The following ELOVL7 variants were observed in gnomAD, a reference collection of about 807,000 sequenced individuals.
The protein encoded by ELOVL7 is ELOVL fatty acid elongase 7.
A neutral mutation model predicts 35.7 loss-of-function variants in ELOVL7; 27 were observed. The ratio of observed to expected loss-of-function variants is 0.76; its 90% confidence interval spans 0.56 to 1.04. ELOVL7 has a LOEUF of 1.04. Among genes scored for constraint, ELOVL7 ranks in the 50% least tolerant of loss-of-function variants. The pLI, the probability that ELOVL7 is intolerant of heterozygous loss-of-function variation, is 0.00. For missense variants in ELOVL7, 327 were observed against 340.8 expected, an observed-to-expected ratio of 0.96 and a Z score of 0.32; for synonymous variants, 113 against 114.6, an observed-to-expected ratio of 0.99 and a Z score of 0.09.
chr5:60,785,555 C>G (rs1032274848), intron 3 of ELOVL7, among the ~76,000 whole-genome samples: 1 of 152,072 alleles, frequency 6.6e-6, no homozygotes, highest in East Asian at 1.9e-4. Context: ...TTCAAAAACC[C>G]AATCTACTTG....
intron 3 of ELOVL7, among the ~76,000 whole-genome samples, chr5:60,787,095 G>C (rs1216145069): frequency 6.6e-6 from 1 of 152,108 alleles, no homozygotes; most frequent in South Asian, 2.1e-4. Context: ...TTATTGATCA[G>C]TTCCCTTCAC....
chr5:60,754,868 A>C (rs372205505), intron 8 of ELOVL7, 35 bp from the exon 9 acceptor site: 2 of 1,578,838 alleles, frequency 1.3e-6, no homozygotes, highest in African/African-American at 1.4e-5. Flanking sequence ...AATTATTCAG[A>C]TATGAAGAGT....
At chr5:60,798,095 T>A (rs1009242770) in intron 2 of ELOVL7, among the ~76,000 whole-genome samples, 1 of 152,202 alleles carries the variant, frequency 6.6e-6, no homozygotes, top group African/African-American at 2.4e-5. Context: ...TGATGTCTCA[T>A]GTCTCCCTAA....
chr5:60,811,812 A>AT (rs1745251549), intron 1 of ELOVL7, among the ~76,000 whole-genome samples: 1 of 152,062 alleles, frequency 6.6e-6, no homozygotes, highest in Non-Finnish European at 1.5e-5. Context: ...GTAAGAAATA[A>AT]TTTTTTTCTT....
rs80146958 is a variant in ELOVL7, at chr5:60,778,068, C to T, written c.65-5975G>A. 2.9e-3 allele frequency among the ~76,000 whole-genome samples: 435 copies of T among 152,282 alleles called. 2 individuals are homozygous for T. The highest frequency in any genetic ancestry group is 3.4e-3 in the Non-Finnish European group (230 of 68,014). On this transcript the variant is annotated intron_variant, in intron 3 of 8. Transcript: ENST00000508821. ...TGTCACAGTTCTAAATCAGGAAAAACTTTGAAATCAGCTACCCAGGTACAC... is the reference window on the plus strand; with the variant it reads ...TGTCACAGTTCTAAATCAGGAAAAATTTTGAAATCAGCTACCCAGGTACAC...
chr5:60,840,489 C>T (rs540584288), intron 1 of ELOVL7, among the ~76,000 whole-genome samples: 6 of 152,324 alleles, frequency 3.9e-5, no homozygotes, highest in East Asian at 1.9e-4. Context: ...AAGGGTTCAA[C>T]ACTGCTGACA....
intron 2 of ELOVL7, among the ~76,000 whole-genome samples, chr5:60,788,688 T>C (rs1743744762): frequency 6.6e-6 from 1 of 151,608 alleles, no homozygotes; most frequent in Non-Finnish European, 1.5e-5. Flanking sequence ...GGCAGGAAAA[T>C]TGCTCGAACC....
chr5:60,761,604 G>A (rs1427063563), intron 7 of ELOVL7, among the ~76,000 whole-genome samples: 3 of 152,094 alleles, frequency 2.0e-5, no homozygotes, highest in Non-Finnish European at 2.9e-5. Flanking sequence ...GGGGAATATT[G>A]GAGATTGTGA....
At chr5:60,817,850 A>G (rs10939870) in intron 1 of ELOVL7, among the ~76,000 whole-genome samples, 102,040 of 132,092 alleles carry the variant, frequency 0.77, 38,673 homozygotes, top group East Asian at 0.88. Context: ...GTGTGTGTGT[A>G]TATATATATA....
intron 5 of ELOVL7, 75 bp downstream of exon 5, chr5:60,767,748 C>T (rs1201704316): frequency 9.7e-7 from 1 of 1,030,652 alleles, no homozygotes; most frequent in Non-Finnish European, 1.5e-6. Flanking sequence ...TCTAAGTTTA[C>T]GTTCAGTGTT....
intron 1 of ELOVL7, among the ~76,000 whole-genome samples, chr5:60,827,725 T>A (rs1746251428): frequency 6.6e-6 from 1 of 152,208 alleles, no homozygotes; most frequent in South Asian, 2.1e-4. Flanking sequence ...GCATGTAATT[T>A]ATTAACTTAA....
chr5:60,758,609 C>G (rs541220325), intron 7 of ELOVL7, among the ~76,000 whole-genome samples: 75 of 152,274 alleles, frequency 4.9e-4, no homozygotes, highest in African/African-American at 1.8e-3. Context: ...ATTTCCTACC[C>G]ATCACCTTCA....
intron 7 of ELOVL7, among the ~76,000 whole-genome samples, chr5:60,761,516 T>C (rs1055225081): frequency 2.4e-4 from 37 of 152,148 alleles, no homozygotes; most frequent in African/African-American, 6.8e-4. Context: ...CTGAAATAGG[T>C]ATCAGGTCTG....
intron 3 of ELOVL7, among the ~76,000 whole-genome samples, chr5:60,777,825 C>T (rs1467106510): frequency 1.3e-5 from 2 of 152,000 alleles, no homozygotes; most frequent in African/African-American, 4.8e-5. Context: ...AGTGGATTTT[C>T]GGAAGGAGTC....
intron 1 of ELOVL7, among the ~76,000 whole-genome samples, chr5:60,818,319 GAAAA>G (rs60141189): frequency 2.8e-5 from 2 of 70,578 alleles, no homozygotes; most frequent in Admixed American, 1.8e-4. Context: ...TTCCATCTCA[GAAAA>G]AAAAAAAAAA....
chr5:60,754,542 C>A lies in ELOVL7; in HGVS notation c.*82G>T. Reference sequence around the variant, plus strand: ...CAAGCTCTTAGTTTTGAAAAATATACAAAATGCACTGCATAGGTAAATATC... The same window carrying A: ...CAAGCTCTTAGTTTTGAAAAATATAAAAAATGCACTGCATAGGTAAATATC... On this transcript the variant is annotated 3_prime_UTR_variant, in exon 9 of 9. Transcript: ENST00000508821. 7.9e-7 allele frequency: 1 copy of A among 1,261,816 alleles called. No homozygotes were observed. The highest frequency in any genetic ancestry group is 2.2e-5 in the Admixed American group (1 of 46,052). 78.2% of individuals were successfully genotyped at this position (1,261,816 alleles called of 1,614,324 possible). A position where few individuals can be genotyped will look rare whatever the true frequency, so the allele number is the denominator to read the frequency against.
chr5:60,821,227 A>C (rs1247926633), intron 1 of ELOVL7, among the ~76,000 whole-genome samples: 1 of 152,148 alleles, frequency 6.6e-6, no homozygotes, highest in Non-Finnish European at 1.5e-5. Context: ...TAAAAAGTCT[A>C]ACTCTGTGGT....
chr5:60,791,961 T>C (rs1454798428), intron 2 of ELOVL7, among the ~76,000 whole-genome samples: 1 of 151,766 alleles, frequency 6.6e-6, no homozygotes, highest in Admixed American at 6.6e-5. Flanking sequence ...CCCTCCCCAG[T>C]CCTCACCGAA....
intron 8 of ELOVL7, among the ~76,000 whole-genome samples, chr5:60,756,821 G>C (rs1741566938): frequency 6.6e-6 from 1 of 151,934 alleles, no homozygotes; most frequent in Non-Finnish European, 1.5e-5. Context: ...GAAATGCAAG[G>C]GTGGCAGATT....
Sources: allele counts gnomAD v4.1 joint callset (sites outside exome capture counted in the v4.1 genomes callset), GRCh38; gene constraint gnomAD v4.1.1; transcripts MANE v1.5; gene names NCBI Gene and HGNC (gene_info 2026-07-23, HGNC 2026-07-21).